KIN: variants seen among roughly 807,000 people sequenced by gnomAD.
The protein encoded by KIN is DNA/RNA-binding protein KIN17.
Under a neutral mutation model 63.0 loss-of-function variants are expected in KIN, and 47 were observed. The observed-to-expected ratio is 0.75, with a 90% CI of 0.59 to 0.95. The LOEUF (loss-of-function observed/expected upper bound fraction) is 0.95, where lower values mean the gene tolerates loss of function less well. Among genes scored for constraint, KIN ranks in the 40% least tolerant of loss-of-function variants. KIN has a pLI of 0.00. For synonymous variants in KIN, 160 were observed against 157.7 expected (o/e 1.01, Z -0.11); for missense variants, 408 against 460.9 (o/e 0.89, Z 1.05).
chr10:7,783,980 TC>T (rs921396644), intron 1 of KIN, among the ~76,000 whole-genome samples: 12 of 152,224 alleles, frequency 7.9e-5, no homozygotes, highest in African/African-American at 2.9e-4. Context: ...AGTTTCCTAA[TC>T]TTTAGATCAT....
In KIN at chr10:7,751,609, C is replaced by G. The variant is rs1835244902; in HGVS notation, c.*4471G>C. ...GCTGAAGAGGTAAATAGCACTACCT[C>G]TTAGTTTTCTTCTTCTATAAGAAGT... On this transcript the variant is annotated 3_prime_UTR_variant, in exon 13 of 13. Transcript: ENST00000379562. 2.6e-5 allele frequency: 4 copies of G among 152,270 alleles called. No homozygotes were observed. The South Asian group carries it at 8.3e-4, about 32-fold the overall frequency. 9.4% of individuals were successfully genotyped at this position (152,270 alleles called of 1,614,324 possible).
chr10:7,766,433 G>A (rs1301899561), intron 8 of KIN: 4 of 245,558 alleles, frequency 1.6e-5, no homozygotes, highest in Non-Finnish European at 2.3e-5. Flanking sequence ...AGCTGGAAAA[G>A]AGGCCACGTT....
At position 7,754,720 on chromosome 10, in the gene KIN, A is replaced by G. The variant is rs1419707919; in HGVS notation, c.*1360T>C. 1 of 152,214 alleles carries G rather than the reference A, an allele frequency of 6.6e-6. No individual in the cohort carries two copies. Among genetic ancestry groups the G allele is most frequent in the East Asian group, 1.9e-4 (1 of 5,192 alleles). The allele number at this position is 152,214 out of a possible 1,614,324, so 9.4% of individuals were successfully genotyped here. ...GGTAAGATGTAAACCTAGAGTGCTC[A>G]AGAATGTAAATGTAGAGAGCCAGCA... On this transcript the variant is annotated 3_prime_UTR_variant, in exon 13 of 13. Coordinates refer to ENST00000379562, the MANE Select transcript of KIN (RefSeq NM_012311.4).
In KIN at chr10:7,778,927, T is replaced by C. The variant is rs1037090727; in HGVS notation, c.469A>G (p.Lys157Glu). The C allele has an allele frequency of 3.1e-6, 5 of 1,614,094 alleles. No homozygotes were observed. The Admixed American group carries it at 5.0e-5, about 16-fold the overall frequency. Residue 157 changes from lysine (K) to glutamate (E), a missense_variant, in exon 5 of 13, where the codon AAA (lysine) becomes GAA (glutamate). By Grantham distance (56) the Lys-to-Glu change is moderately conservative. This residue lies in a region of KIN where 298 missense variants were observed against 296.0 expected (regional missense o/e 1.01). Transcript: ENST00000379562. ...TCATCAAGGTCCTGCTTTTTCTTTT[T>C]CTCCAGTTCCAGTTGCCGGCGGATA... ...ETIRRQLELEKKKKQDLDDEE... is the reference protein window; with the variant it reads ...ETIRRQLELEEKKKQDLDDEE...
chr10:7,776,585 G>A (rs531280436), intron 5 of KIN, among the ~76,000 whole-genome samples: 35 of 151,520 alleles, frequency 2.3e-4, no homozygotes, highest in Non-Finnish European at 4.1e-4. Context: ...ACAAAAATTA[G>A]CCCGGCATGG....
In KIN at chr10:7,754,858, T is replaced by C. The variant is rs1350841790; in HGVS notation, c.*1222A>G. ...CATGTGCACTACAAATATCCCTTCG[T>C]TTTTCCTTTGGCACAGGCAAATGTG... On this transcript the variant is annotated 3_prime_UTR_variant, in exon 13 of 13. Coordinates refer to ENST00000379562, the MANE Select transcript of KIN (RefSeq NM_012311.4). The C allele has an allele frequency of 6.6e-6, 1 of 152,148 alleles. No individual in the cohort carries two copies. The highest frequency in any genetic ancestry group is 1.5e-5 in the Non-Finnish European group (1 of 68,052). The allele number at this position is 152,148 out of a possible 1,614,324, so 9.4% of individuals were successfully genotyped here.
At chr10:7,786,872 CTG>C (rs1052970618) in intron 1 of KIN, among the ~76,000 whole-genome samples, 36 of 152,206 alleles carry the variant, frequency 2.4e-4, no homozygotes, top group Middle Eastern at 3.2e-3. Flanking sequence ...AAGAGAGTAA[CTG>C]TATCAATATT....
intron 10 of KIN, among the ~76,000 whole-genome samples, chr10:7,763,206 A>G (rs1835471455): frequency 6.6e-6 from 1 of 152,206 alleles, no homozygotes; most frequent in Non-Finnish European, 1.5e-5. Context: ...CAATGAGCTG[A>G]GATCGCACCA....
At chr10:7,758,676 A>T (rs374634375) in intron 12 of KIN, among the ~76,000 whole-genome samples, 3 of 13,302 alleles carry the variant, frequency 2.3e-4, no homozygotes, top group African/African-American at 5.3e-4. Flanking sequence ...TGGTCCATGC[A>T]AAAAAAAAAA....
Position 7,769,216 on chromosome 10 carries a change from CT to C in KIN, c.797del (p.Glu266GlyfsTer22), listed in dbSNP as rs777958260. 20 of 1,609,128 alleles carry C rather than the reference CT, an allele frequency of 1.2e-5. No homozygotes were observed. The highest frequency in any genetic ancestry group is 1.5e-5 in the Non-Finnish European group (18 of 1,178,544). ...TCCACACGCAATCCATAAACTGTAC[CT>C]CCATGATTTCATCCAGTGCAGATTT... ...KKKSALDEIM[E>X]IEEEKKRTAR... On this transcript the variant is annotated frameshift_variant and splice_region_variant, in exon 8 of 13. Transcript: ENST00000379562. LOFTEE classifies it high-confidence loss of function.
Position 7,774,832 on chromosome 10 carries a change from T to G in KIN, c.667A>C (p.Ser223Arg). ...SSSGATSSKS[S>R]TLGPSALKTI... ...ATATCCGTGAATGATGCAGCTCACC[T>G]TGACTTGGAAGATGTTGCTCCGGAT... The change falls in exon 7 of 13, where the codon AGT becomes CGT. Residue 223 changes from serine to arginine, a missense_variant and splice_region_variant. By Grantham distance (110) the Ser-to-Arg change is moderately radical (BLOSUM62 -1). This residue lies in a region of KIN where 298 missense variants were observed against 296.0 expected (regional missense o/e 1.01). Coordinates refer to ENST00000379562, the MANE Select transcript of KIN (RefSeq NM_012311.4). The G allele has an allele frequency of 6.2e-7, 1 of 1,611,284 alleles. No homozygotes were observed. Among genetic ancestry groups the G allele is most frequent in the South Asian group, 1.1e-5 (1 of 91,036 alleles).
At chr10:7,786,339 G>A (rs572438498) in intron 1 of KIN, among the ~76,000 whole-genome samples, 1 of 152,256 alleles carries the variant, frequency 6.6e-6, no homozygotes, top group East Asian at 1.9e-4. Flanking sequence ...TTTTAGAGAT[G>A]CCTATTTAAG....
chr10:7,779,169 A>AG (rs1386985591), intron 4 of KIN, 150 bp from the exon 5 acceptor site: 6 of 826,822 alleles, frequency 7.3e-6, no homozygotes, highest in Non-Finnish European at 1.1e-5. Flanking sequence ...GCACTTTAGG[A>AG]GGCCAACACA....
At chr10:7,773,494 T>TA (rs1321041324) in intron 7 of KIN, among the ~76,000 whole-genome samples, 1 of 152,230 alleles carries the variant, frequency 6.6e-6, no homozygotes, top group Non-Finnish European at 1.5e-5. Flanking sequence ...ATGCCAATGT[T>TA]AGACAATTCT....
intron 7 of KIN, among the ~76,000 whole-genome samples, chr10:7,771,395 G>A (rs1317061110): frequency 6.6e-6 from 1 of 151,984 alleles, no homozygotes; most frequent in Non-Finnish European, 1.5e-5. Flanking sequence ...TTAATCTATT[G>A]TTTTCTAAAG....
At chr10:7,773,854 A>G (rs543337384) in intron 7 of KIN, among the ~76,000 whole-genome samples, 5 of 152,358 alleles carry the variant, frequency 3.3e-5, no homozygotes, top group African/African-American at 1.2e-4. Flanking sequence ...AACCTCCATA[A>G]CAAAACTGAA....
rs757835767 is a variant in KIN at position 7,787,953 on chromosome 10, A to T, written c.-20T>A. 6.4e-7 allele frequency: 1 copy of T among 1,564,296 alleles called. No homozygotes were observed. Among genetic ancestry groups the T allele is most frequent in the South Asian group, 1.1e-5 (1 of 90,112 alleles). ...CCCCATGGCGACCACGGCAGCGATC[A>T]CTTTCTGGACCCCAGTACTCAGCCA... On this transcript the variant is annotated 5_prime_UTR_variant, in exon 1 of 13. Coordinates refer to ENST00000379562, the MANE Select transcript of KIN (RefSeq NM_012311.4).
chr10:7,784,367 G>A (rs1325638082), intron 1 of KIN, among the ~76,000 whole-genome samples: 1 of 152,154 alleles, frequency 6.6e-6, no homozygotes, highest in East Asian at 1.9e-4. Flanking sequence ...AGGATTGTGT[G>A]AGCCTCCGAG....
Position 7,778,904 on chromosome 10 carries a change from A to G in KIN, c.492T>C (p.Asp164=), listed in dbSNP as rs762812628. 1.2e-6 allele frequency: 2 copies of G among 1,614,016 alleles called. No homozygotes were observed. The highest frequency in any genetic ancestry group is 4.5e-5 in the East Asian group (2 of 44,884). Residue 164 remains aspartate, a synonymous_variant, in exon 5 of 13, where the codon GAT becomes GAC. Transcript: ENST00000379562. ...ELEKKKKQDL[D]DEEKTAKFIE... ...TAAATTTGGCAGTTTTTTCTTCATC[A>G]TCAAGGTCCTGCTTTTTCTTTTTCT...
Sources: allele counts gnomAD v4.1 joint callset (sites outside exome capture counted in the v4.1 genomes callset), GRCh38; gene constraint gnomAD v4.1.1; regional missense constraint gnomAD v4.1.1; transcripts MANE v1.5; gene names NCBI Gene and HGNC (gene_info 2026-07-23, HGNC 2026-07-21).